AXDND1: variants seen among roughly 807,000 people sequenced by gnomAD.
The protein encoded by AXDND1 is axonemal dynein light chain domain containing 1, also known as axonemal dynein light chain domain-containing protein 1.
In AXDND1, 110 loss-of-function variants were observed where a neutral mutation model predicts 137.5. That is an observed-to-expected ratio of 0.80 (90% CI 0.69 to 0.94). The LOEUF (loss-of-function observed/expected upper bound fraction) is 0.94, where lower values mean the gene tolerates loss of function less well. AXDND1 is among the 40% of genes least tolerant of loss of function. The pLI, the probability that AXDND1 is intolerant of heterozygous loss-of-function variation, is 0.00. For synonymous variants in AXDND1, 414 were observed against 399.7 expected (o/e 1.04, Z -0.43); for missense variants, 1,191 against 1,169.8 (o/e 1.02, Z -0.26).
At chr1:179,435,187 AAGAG>A (rs933731175) in intron 15 of AXDND1, among the ~76,000 whole-genome samples, 14 of 152,316 alleles carry the variant, frequency 9.2e-5, no homozygotes, top group African/African-American at 2.6e-4. Flanking sequence ...TCAAGGAAAT[AAGAG>A]AGAACTGAAA....
intron 11 of AXDND1, among the ~76,000 whole-genome samples, chr1:179,406,919 G>T (rs1003950444): frequency 2.0e-5 from 3 of 152,016 alleles, no homozygotes; most frequent in Admixed American, 1.3e-4. Flanking sequence ...TGATTATTTT[G>T]TATAGCTTTT....
chr1:179,367,445 G>A (rs1667555596), intron 2 of AXDND1, among the ~76,000 whole-genome samples: 1 of 152,190 alleles, frequency 6.6e-6, no homozygotes. Context: ...AACCCGGGAG[G>A]TGGAGGTTGC....
rs546577166 is a variant in AXDND1, at chr1:179,367,114, C to G, written c.97+508C>G. Among the ~76,000 whole-genome samples the G allele has an allele frequency of 7.2e-5, 11 of 151,772 alleles. No individual in the cohort carries two copies. The East Asian group carries it at 1.6e-3, about 21-fold the overall frequency. The stretch of plus-strand genomic sequence containing the variant: ...CTCGCGCCTGTAGTCCCAGCTTACT[C>G]TGGAGGCTGAGGCAAGAGAATCGCT... On this transcript the variant is annotated intron_variant, in intron 2 of 25. Transcript: ENST00000367618.
At chr1:179,391,842 A>T (rs1338785036) in intron 9 of AXDND1, among the ~76,000 whole-genome samples, 2 of 151,980 alleles carry the variant, frequency 1.3e-5, no homozygotes, top group Non-Finnish European at 2.9e-5. Flanking sequence ...CTGGCCAGAG[A>T]TCTGATAGTT....
chr1:179,419,493 A>G (rs1242187468), intron 12 of AXDND1, among the ~76,000 whole-genome samples: 1 of 149,438 alleles, frequency 6.7e-6, no homozygotes, highest in African/African-American at 2.5e-5. Flanking sequence ...GTGCGCCTGC[A>G]ATCGCAGGCA....
At chr1:179,418,982 C>G (rs140488184) in intron 12 of AXDND1, among the ~76,000 whole-genome samples, 1 of 148,818 alleles carries the variant, frequency 6.7e-6, no homozygotes, top group Admixed American at 6.6e-5. Flanking sequence ...CCAGACGAGG[C>G]GGCGGGGCAG....
At chr1:179,371,366 T>G (rs113452788) in intron 4 of AXDND1, among the ~76,000 whole-genome samples, 6,909 of 152,160 alleles carry the variant, frequency 0.045, 232 homozygotes, top group Non-Finnish European at 0.069. Flanking sequence ...AGGTGGAGGT[T>G]GCAGTGAGCT....
intron 16 of AXDND1, among the ~76,000 whole-genome samples, chr1:179,459,882 CTCTTT>C (rs1358890523): frequency 3.4e-4 from 38 of 111,386 alleles, no homozygotes; most frequent in Admixed American, 2.5e-3. Flanking sequence ...CTTTTCTTTT[CTCTTT>C]TCTTTTCTTT....
At chr1:179,552,982 GC>G (rs1308964589) in intron 25 of AXDND1, among the ~76,000 whole-genome samples, 1 of 152,170 alleles carries the variant, frequency 6.6e-6, no homozygotes, top group Non-Finnish European at 1.5e-5. Context: ...TATAATCTAA[GC>G]CCCAACTAAT....
intron 2 of AXDND1, among the ~76,000 whole-genome samples, chr1:179,368,251 A>G (rs973506516): frequency 6.6e-6 from 1 of 152,056 alleles, no homozygotes; most frequent in African/African-American, 2.4e-5. Flanking sequence ...TTCCCATTCC[A>G]CAGATTTGTC....
intron 17 of AXDND1, among the ~76,000 whole-genome samples, chr1:179,469,444 C>A (rs1663654166): frequency 6.6e-6 from 1 of 152,032 alleles, no homozygotes; most frequent in South Asian, 2.1e-4. Context: ...CATCTTTTGG[C>A]CTTAATGAGT....
At chr1:179,544,882 G>A (rs1481081921) in intron 25 of AXDND1, 1 of 152,156 alleles carries the variant, frequency 6.6e-6, no homozygotes, top group Non-Finnish European at 1.5e-5. Context: ...CGGTCACAGA[G>A]CTGATTGGTG....
At chr1:179,512,943 A>G (rs1669192427) in intron 21 of AXDND1, among the ~76,000 whole-genome samples, 1 of 152,074 alleles carries the variant, frequency 6.6e-6, no homozygotes, top group Non-Finnish European at 1.5e-5. Context: ...TTCTTTTATC[A>G]TTTCTAGGAG....
chr1:179,375,577 TA>T (rs1668526357), intron 4 of AXDND1, among the ~76,000 whole-genome samples: 1 of 148,770 alleles, frequency 6.7e-6, no homozygotes. Flanking sequence ...TACATACATA[TA>T]TGTACATATA....
chr1:179,516,922 C>A (rs1669593685), intron 21 of AXDND1, among the ~76,000 whole-genome samples: 1 of 152,166 alleles, frequency 6.6e-6, no homozygotes, highest in Non-Finnish European at 1.5e-5. Context: ...TGTTTTTGTG[C>A]TGCTTGGTCT....
At chr1:179,411,470 G>A (rs554240893) in intron 12 of AXDND1, among the ~76,000 whole-genome samples, 1 of 152,208 alleles carries the variant, frequency 6.6e-6, no homozygotes, top group Non-Finnish European at 1.5e-5. Context: ...TCAGCCTCTT[G>A]AGTAGCTGGG....
chr1:179,545,529 C>T (rs1672561658), intron 25 of AXDND1: 1 of 152,024 alleles, frequency 6.6e-6, no homozygotes, highest in African/African-American at 2.4e-5. Flanking sequence ...GACAGACGAG[C>T]TGAAGCTGTT....
At chr1:179,551,543 C>T in intron 25 of AXDND1, 1 of 1,462,222 alleles carries the variant, frequency 6.8e-7, no homozygotes, top group Non-Finnish European at 9.5e-7. Context: ...AAGCACTGAG[C>T]ATCTACTATG....
At chr1:179,400,904 C>CAAAAAAAAAAAAAA (rs151090012) in intron 11 of AXDND1, among the ~76,000 whole-genome samples, 2 of 53,668 alleles carry the variant, frequency 3.7e-5, no homozygotes, top group African/African-American at 8.1e-5. Context: ...GACTCTGTCT[C>CAAAAAAAAAAAAAA]AAAAAAAAAA....
Sources: gnomAD v4.1 joint callset for allele counts (sites outside exome capture counted in the v4.1 genomes callset) on GRCh38, gnomAD v4.1.1 for gene constraint, MANE v1.5 for transcripts, NCBI Gene and HGNC (gene_info 2026-07-23, HGNC 2026-07-21) for gene names.